DNAAF11: variants seen among roughly 807,000 people sequenced by gnomAD.
DNAAF11 encodes the protein dynein axonemal assembly factor 11.
A neutral mutation model predicts 60.8 loss-of-function variants in DNAAF11; 45 were observed. That is an observed-to-expected ratio of 0.74 (90% confidence interval 0.58 to 0.95). The LOEUF (loss-of-function observed/expected upper bound fraction) is 0.95. Ranked by LOEUF, DNAAF11 falls within the 40% of genes least tolerant of loss-of-function variation. The pLI is 0.00. For missense variants in DNAAF11, 546 were observed against 546.2 expected (o/e 1.00, Z 0.00); for synonymous variants, 191 against 183.5 (o/e 1.04, Z -0.33).
intron 2 of DNAAF11, 120 bp downstream of exon 2, chr8:132,661,340 G>T: frequency 1.3e-6 from 1 of 791,340 alleles, no homozygotes; most frequent in Non-Finnish European, 2.0e-6. Flanking sequence ...AGATGGCTGT[G>T]TCTGTTTTCC....
chr8:132,581,007 G>A (rs1174859870), intron 11 of DNAAF11, among the ~76,000 whole-genome samples: 1 of 152,188 alleles, frequency 6.6e-6, no homozygotes, highest in African/African-American at 2.4e-5. Context: ...TACAGATGTG[G>A]ACTCCTGGTC....
rs1824131819 is a variant in DNAAF11, at chr8:132,661,532, GTCTT to G, written c.102_105del (p.Glu34AspfsTer2). ...CGGCACCATTTATCAATGTGTTCTA[GTCTT>G]TCTATTTCTTGCTGATGCAACGAGA... is the stretch of plus-strand genomic sequence containing the variant. On this transcript the variant is annotated frameshift_variant, in exon 2 of 12. Transcript: ENST00000620350. LOFTEE classifies it high-confidence loss of function. 5 of 1,613,666 alleles carry G rather than the reference GTCTT, an allele frequency of 3.1e-6. No homozygotes were observed. Among genetic ancestry groups the G allele is most frequent in the Non-Finnish European group, 3.4e-6 (4 of 1,179,654 alleles).
intron 6 of DNAAF11, among the ~76,000 whole-genome samples, chr8:132,624,651 T>C (rs977816013): frequency 6.6e-6 from 1 of 152,170 alleles, no homozygotes; most frequent in Admixed American, 6.5e-5. Context: ...CTCAAGCTCA[T>C]GAATAATAAG....
At chr8:132,701,181 A>C in the DNAAF11 span, among the ~76,000 whole-genome samples, 1 of 152,228 alleles carries the variant, frequency 6.6e-6, no homozygotes, top group Non-Finnish European at 1.5e-5. Context: ...ACATTTTAAC[A>C]TGAGTTTTGG....
At chr8:132,644,524 C>T (rs1822171691) in intron 3 of DNAAF11, among the ~76,000 whole-genome samples, 1 of 152,082 alleles carries the variant, frequency 6.6e-6, no homozygotes, top group African/African-American at 2.4e-5. Flanking sequence ...TTAGCCAAAG[C>T]AAGGGGGGCC....
intron 2 of DNAAF11, among the ~76,000 whole-genome samples, chr8:132,660,228 T>C (rs1324201833): frequency 7.0e-6 from 1 of 142,854 alleles, no homozygotes; most frequent in Non-Finnish European, 1.5e-5. Context: ...GTACTTATCT[T>C]TTTTTTTTTT....
At chr8:132,650,994 T>C (rs1460027944) in intron 3 of DNAAF11, among the ~76,000 whole-genome samples, 1 of 152,248 alleles carries the variant, frequency 6.6e-6, no homozygotes, top group Non-Finnish European at 1.5e-5. Flanking sequence ...ATCCCAAATA[T>C]GAACAATTCT....
At chr8:132,617,736 C>T (rs1018458728) in intron 7 of DNAAF11, among the ~76,000 whole-genome samples, 5 of 152,004 alleles carry the variant, frequency 3.3e-5, no homozygotes, top group Middle Eastern at 3.4e-3. Context: ...ATCCAACTTA[C>T]AAGGGATGTG....
At chr8:132,696,307 G>A in the DNAAF11 span, among the ~76,000 whole-genome samples, 1 of 152,178 alleles carries the variant, frequency 6.6e-6, no homozygotes, top group East Asian at 1.9e-4. Flanking sequence ...GCATTGGAGA[G>A]GATGTGGAGA....
chr8:132,701,607 A>G, the DNAAF11 span, among the ~76,000 whole-genome samples: 1 of 152,236 alleles, frequency 6.6e-6, no homozygotes, highest in African/African-American at 2.4e-5. Context: ...AGGGAGGAAG[A>G]AAAGGAAGGT....
chr8:132,595,944 G>A (rs1013591956), intron 10 of DNAAF11, among the ~76,000 whole-genome samples: 1 of 152,044 alleles, frequency 6.6e-6, no homozygotes, highest in African/African-American at 2.4e-5. Context: ...CTGAATTCAG[G>A]ATGTATTTCA....
At chr8:132,685,797 A>G in the DNAAF11 span, among the ~76,000 whole-genome samples, 5 of 152,132 alleles carry the variant, frequency 3.3e-5, no homozygotes, top group Non-Finnish European at 7.4e-5. Context: ...TATCTCACCT[A>G]CTTGAATATG....
rs565612655 is a variant in DNAAF11, at chr8:132,570,630, A to T, written c.*1676T>A. 1.6e-4 allele frequency among the ~76,000 whole-genome samples: 24 copies of T among 152,264 alleles called. No homozygotes were observed. The South Asian group carries it at 3.7e-3, about 24-fold the overall frequency. Reference sequence around the variant, plus strand: ...CCTTCCCTACGTGGTTCCTGGGTAGAGTTGACCATGAAGAAAGGTGTTATA... The same window carrying T: ...CCTTCCCTACGTGGTTCCTGGGTAGTGTTGACCATGAAGAAAGGTGTTATA... On this transcript the variant is annotated 3_prime_UTR_variant, in exon 12 of 12. Coordinates refer to ENST00000620350, the MANE Select transcript of DNAAF11 (RefSeq NM_012472.6).
chr8:132,698,369 A>T, the DNAAF11 span, among the ~76,000 whole-genome samples: 265 of 114,354 alleles, frequency 2.3e-3, 2 homozygotes, highest in African/African-American at 0.015. Context: ...GACCCCTCCC[A>T]GCCAGCTGCC....
At chr8:132,644,631 C>A (rs1258694592) in intron 3 of DNAAF11, among the ~76,000 whole-genome samples, 1 of 152,200 alleles carries the variant, frequency 6.6e-6, no homozygotes, top group East Asian at 1.9e-4. Flanking sequence ...GACACTCCCA[C>A]CCTAATACTG....
intron 5 of DNAAF11, among the ~76,000 whole-genome samples, chr8:132,631,305 T>C (rs1820772939): frequency 6.6e-6 from 1 of 152,068 alleles, no homozygotes; most frequent in Admixed American, 6.5e-5. Flanking sequence ...GAAGACCACA[T>C]GTGTTGTTAG....
At chr8:132,694,657 A>G in the DNAAF11 span, among the ~76,000 whole-genome samples, 1 of 152,252 alleles carries the variant, frequency 6.6e-6, no homozygotes, top group Non-Finnish European at 1.5e-5. Flanking sequence ...TAGTGAAGAC[A>G]GTAGAGGGAC....
chr8:132,687,408 C>A, the DNAAF11 span: 1 of 306,454 alleles, frequency 3.3e-6, no homozygotes, highest in Non-Finnish European at 6.4e-6. Flanking sequence ...TACATTCTAG[C>A]AGAATAATGA....
At chr8:132,603,475 G>C (rs1387893424) in intron 10 of DNAAF11, among the ~76,000 whole-genome samples, 2 of 152,018 alleles carry the variant, frequency 1.3e-5, no homozygotes, top group African/African-American at 4.8e-5. Context: ...TTTAAATATG[G>C]AGGAACTGTA....
Sources: allele counts gnomAD v4.1 joint callset (sites outside exome capture counted in the v4.1 genomes callset), GRCh38; gene constraint gnomAD v4.1.1; transcripts MANE v1.5; gene names NCBI Gene and HGNC (gene_info 2026-07-23, HGNC 2026-07-21).